DIP2C: variants seen among roughly 807,000 people sequenced by gnomAD.
DIP2C encodes disco-interacting protein 2 homolog C.
A neutral mutation model predicts 192.4 loss-of-function variants in DIP2C; 33 were observed. The ratio of observed to expected loss-of-function variants is 0.17; its 90% CI spans 0.13 to 0.23. The LOEUF is 0.23. DIP2C is among the 10% of genes least tolerant of loss of function. The pLI is 1.00. For synonymous variants in DIP2C, 979 were observed against 864.1 expected (o/e 1.13, Z -2.33); for missense variants, 1,537 against 2,110.1 (o/e 0.73, Z 5.32).
intron 8 of DIP2C, among the ~76,000 whole-genome samples, chr10:409,508 A>G (rs926992352): frequency 2.6e-5 from 4 of 152,222 alleles, no homozygotes; most frequent in South Asian, 2.1e-4. Flanking sequence ...GGACACTGGA[A>G]CAAGGCCGGC....
At chr10:612,823 G>A (rs1272088707) in intron 1 of DIP2C, among the ~76,000 whole-genome samples, 1 of 152,240 alleles carries the variant, frequency 6.6e-6, no homozygotes, top group Non-Finnish European at 1.5e-5. Flanking sequence ...ACAGAAGCAA[G>A]TATTCTCTTC....
At chr10:531,120 G>A (rs954924629) in intron 1 of DIP2C, among the ~76,000 whole-genome samples, 1 of 152,160 alleles carries the variant, frequency 6.6e-6, no homozygotes, top group South Asian at 2.1e-4. Context: ...GTCGTGACGC[G>A]CTGAGTCCAC....
intron 5 of DIP2C, 97 bp downstream of exon 5, chr10:422,727 C>G: frequency 1.4e-6 from 2 of 1,425,438 alleles, no homozygotes; most frequent in Non-Finnish European, 1.9e-6. Flanking sequence ...GTGCTCTTTC[C>G]ACCGAGGGAT....
In DIP2C at chr10:274,204, GAACA is replaced by G. The variant is rs1015300305; in HGVS notation, c.*3117_*3120del. Reference sequence around the variant, plus strand: ...AATCTGTACACTTGCAGCAAAATGTGAACAAATATATTTAGATATATTTAAAAGA... The same window carrying G: ...AATCTGTACACTTGCAGCAAAATGTGAATATATTTAGATATATTTAAAAGA... On this transcript the variant is annotated 3_prime_UTR_variant, in exon 37 of 37. Transcript: ENST00000280886. 4.6e-5 allele frequency: 7 copies of G among 151,904 alleles called. No homozygotes were observed. Among genetic ancestry groups the G allele is most frequent in the Non-Finnish European group, 7.4e-5 (5 of 67,968 alleles). 9.4% of individuals were successfully genotyped at this position (151,904 alleles called of 1,614,324 possible). A position where few individuals can be genotyped will look rare whatever the true frequency, so the allele number is the denominator to read the frequency against.
chr10:583,218 T>C (rs574039013), intron 1 of DIP2C, among the ~76,000 whole-genome samples: 37 of 151,688 alleles, frequency 2.4e-4, no homozygotes, highest in Non-Finnish European at 2.4e-4. Flanking sequence ...CAAACGCAGT[T>C]TTCTTCTGAA....
At chr10:292,442 A>G (rs936051508) in intron 32 of DIP2C, among the ~76,000 whole-genome samples, 4 of 152,234 alleles carry the variant, frequency 2.6e-5, no homozygotes, top group African/African-American at 9.7e-5. Context: ...GTGGACTTGA[A>G]GTTCGGACTT....
Position 578,822 on chromosome 10 carries a change from G to A in DIP2C, c.86-92292C>T, listed in dbSNP as rs117107938. On this transcript the variant is annotated intron_variant, in intron 1 of 36. Transcript: ENST00000280886. ...TATAACATGTGTGCATGCATAGAGAGCACACACATCCAGATCCATATAGTG... is the reference window on the plus strand; with the variant it reads ...TATAACATGTGTGCATGCATAGAGAACACACACATCCAGATCCATATAGTG... Among the ~76,000 whole-genome samples the A allele has an allele frequency of 5.3e-4, 81 of 151,930 alleles. No individual in the cohort carries two copies. The East Asian group carries it at 0.012, about 22-fold the overall frequency.
rs576447002 is a variant in DIP2C, at chr10:303,055, T to C, written c.3986+6976A>G. 3.3e-5 allele frequency among the ~76,000 whole-genome samples: 5 copies of C among 152,314 alleles called. No homozygotes were observed. In the East Asian group the frequency reaches 9.6e-4, roughly 29 times the overall value. The stretch of plus-strand genomic sequence containing the variant: ...GAGCTAAGACAACACTGCACGCGAC[T>C]GTAGATTTGTAAACACCGTACTTGT... On this transcript the variant is annotated intron_variant, in intron 32 of 36. Coordinates refer to ENST00000280886, the MANE Select transcript of DIP2C (RefSeq NM_014974.3).
At chr10:643,145 T>C (rs1252703545) in intron 1 of DIP2C, among the ~76,000 whole-genome samples, 1 of 147,274 alleles carries the variant, frequency 6.8e-6, no homozygotes, top group Non-Finnish European at 1.5e-5. Flanking sequence ...GAGATTGCAG[T>C]GAGTGGAGGT....
intron 9 of DIP2C, among the ~76,000 whole-genome samples, chr10:405,574 T>G (rs1001906552): frequency 3.3e-5 from 5 of 152,208 alleles, no homozygotes; most frequent in Non-Finnish European, 7.3e-5. Flanking sequence ...CTTCAGTATT[T>G]GAATCAGTCA....
At chr10:614,506 G>A (rs924748193) in intron 1 of DIP2C, among the ~76,000 whole-genome samples, 15 of 152,076 alleles carry the variant, frequency 9.9e-5, no homozygotes, top group Admixed American at 2.6e-4. Context: ...ATCCCCCCAC[G>A]AGGCTCTCCA....
chr10:571,359 C>T (rs1043214357), intron 1 of DIP2C, among the ~76,000 whole-genome samples: 1 of 152,224 alleles, frequency 6.6e-6, no homozygotes, highest in East Asian at 1.9e-4. Context: ...TGCCAGGCCG[C>T]CTCTCCTGGA....
chr10:508,142 C>T (rs905374323), intron 1 of DIP2C, among the ~76,000 whole-genome samples: 3 of 152,104 alleles, frequency 2.0e-5, no homozygotes, highest in Admixed American at 6.5e-5. Context: ...CAGAGGAGCT[C>T]GTGCAGCCAG....
At chr10:442,350 T>A (rs35250636) in intron 3 of DIP2C, among the ~76,000 whole-genome samples, 9 of 152,058 alleles carry the variant, frequency 5.9e-5, no homozygotes, top group African/African-American at 2.2e-4. Context: ...TCAGCCTTTG[T>A]GCGTACTTCT....
At chr10:631,129 G>A (rs1215688098) in intron 1 of DIP2C, 6 of 152,212 alleles carry the variant, frequency 3.9e-5, no homozygotes, top group South Asian at 2.1e-4. Flanking sequence ...TAATTCAAAC[G>A]ATTCACAAAA....
At chr10:558,801 C>T (rs1849041302) in intron 1 of DIP2C, among the ~76,000 whole-genome samples, 1 of 152,144 alleles carries the variant, frequency 6.6e-6, no homozygotes. Flanking sequence ...TTAACAGAGG[C>T]AACACAGGAA....
At chr10:581,640 A>AC (rs1850669082) in intron 1 of DIP2C, among the ~76,000 whole-genome samples, 1 of 152,150 alleles carries the variant, frequency 6.6e-6, no homozygotes, top group Non-Finnish European at 1.5e-5. Context: ...CATGGATGGA[A>AC]CCCACCACCA....
At chr10:480,464 C>T (rs760829269) in intron 2 of DIP2C, among the ~76,000 whole-genome samples, 42 of 152,224 alleles carry the variant, frequency 2.8e-4, no homozygotes, top group Non-Finnish European at 1.0e-4. Context: ...GGTCCATGCT[C>T]ACTGGATGAC....
intron 19 of DIP2C, chr10:365,053 GA>G: frequency 1.9e-6 from 1 of 525,756 alleles, no homozygotes; most frequent in South Asian, 1.4e-5. Flanking sequence ...AAGCAAATCA[GA>G]TCAGTTCAAA....
Sources: gnomAD v4.1 joint callset for allele counts (sites outside exome capture counted in the v4.1 genomes callset) on GRCh38, gnomAD v4.1.1 for gene constraint, MANE v1.5 for transcripts, NCBI Gene and HGNC (gene_info 2026-07-23, HGNC 2026-07-21) for gene names.